Variants in CTIF observed in about 807,000 individuals in gnomAD.
CTIF encodes the protein CBP80/20-dependent translation initiation factor.
In CTIF, 21 loss-of-function variants were observed where a neutral mutation model predicts 66.0. The observed-to-expected ratio is 0.32, with a 90% CI of 0.23 to 0.46. The LOEUF (loss-of-function observed/expected upper bound fraction) is 0.46. Among genes scored for constraint, CTIF ranks in the 20% least tolerant of loss-of-function variants. CTIF has a pLI of 1.00. For missense variants in CTIF, 739 were observed against 812.7 expected, an observed-to-expected ratio of 0.91 and a Z score of 1.10; for synonymous variants, 345 against 326.4, an observed-to-expected ratio of 1.06 and a Z score of -0.62.
intron 7 of CTIF, among the ~76,000 whole-genome samples, chr18:48,729,947 C>A (rs2092422813): frequency 6.6e-6 from 1 of 152,234 alleles, no homozygotes; most frequent in Non-Finnish European, 1.5e-5. Flanking sequence ...CCCTTCCCTG[C>A]ATTTTGAGGC....
At chr18:48,629,443 T>A (rs1333079475) in intron 2 of CTIF, among the ~76,000 whole-genome samples, 3 of 152,284 alleles carry the variant, frequency 2.0e-5, no homozygotes, top group Non-Finnish European at 4.4e-5. Context: ...TTTATACATA[T>A]AATTGTATGT....
chr18:48,791,472 G>A (rs1225414360), intron 9 of CTIF, among the ~76,000 whole-genome samples: 1 of 152,210 alleles, frequency 6.6e-6, no homozygotes, highest in Non-Finnish European at 1.5e-5. Flanking sequence ...GAGTGGCCCA[G>A]GGTTGGGCAG....
intron 7 of CTIF, among the ~76,000 whole-genome samples, chr18:48,729,569 C>G (rs1364666989): frequency 1.3e-5 from 2 of 152,198 alleles, no homozygotes; most frequent in African/African-American, 4.8e-5. Context: ...CAGCGAGACT[C>G]AGAAAGGTGA....
chr18:48,645,324 C>T (rs187904132), intron 3 of CTIF, among the ~76,000 whole-genome samples: 3 of 139,376 alleles, frequency 2.2e-5, no homozygotes, highest in Admixed American at 1.5e-4. Context: ...CTACAGGAAA[C>T]GGACTAAGAA....
At chr18:48,591,107 C>T (rs2089878140) in intron 1 of CTIF, among the ~76,000 whole-genome samples, 1 of 152,238 alleles carries the variant, frequency 6.6e-6, no homozygotes, top group Admixed American at 6.5e-5. Flanking sequence ...CCTAGCACGT[C>T]TCAGCTCCTG....
intron 10 of CTIF, among the ~76,000 whole-genome samples, chr18:48,836,544 C>T (rs1470762646): frequency 6.6e-6 from 1 of 152,214 alleles, no homozygotes; most frequent in African/African-American, 2.4e-5. Context: ...AGATCCCCAA[C>T]CAACCCCATC....
intron 4 of CTIF, 79 bp downstream of exon 4, chr18:48,663,904 T>G: frequency 8.0e-7 from 1 of 1,248,550 alleles, no homozygotes; most frequent in Non-Finnish European, 1.2e-6. Flanking sequence ...GAATGAACGC[T>G]GATGGTTCAT....
At chr18:48,790,574 C>T (rs999575539) in intron 9 of CTIF, among the ~76,000 whole-genome samples, 1 of 152,212 alleles carries the variant, frequency 6.6e-6, no homozygotes. Flanking sequence ...GGAGACATTT[C>T]CTGAAAGACT....
chr18:48,590,263 G>T (rs2089860837), intron 1 of CTIF, among the ~76,000 whole-genome samples: 1 of 152,194 alleles, frequency 6.6e-6, no homozygotes, highest in South Asian at 2.1e-4. Context: ...TGCCAGAAAG[G>T]GCAGAACACT....
At chr18:48,736,148 G>A (rs1159989188) in intron 7 of CTIF, among the ~76,000 whole-genome samples, 2 of 152,218 alleles carry the variant, frequency 1.3e-5, no homozygotes, top group East Asian at 3.8e-4. Context: ...GATACACTGA[G>A]TCAAGACCTG....
At chr18:48,777,252 A>AG (rs1318972995) in intron 9 of CTIF, among the ~76,000 whole-genome samples, 1 of 152,198 alleles carries the variant, frequency 6.6e-6, no homozygotes, top group Non-Finnish European at 1.5e-5. Context: ...GGCGGCCTGC[A>AG]GGGGGCACCA....
intron 3 of CTIF, among the ~76,000 whole-genome samples, chr18:48,658,175 T>C (rs1181700083): frequency 1.3e-5 from 2 of 152,064 alleles, no homozygotes; most frequent in Non-Finnish European, 2.9e-5. Flanking sequence ...TGTGTGTATG[T>C]GTGAGGTGTA....
At chr18:48,547,049 C>T (rs2088768934) in intron 1 of CTIF, among the ~76,000 whole-genome samples, 1 of 152,144 alleles carries the variant, frequency 6.6e-6, no homozygotes, top group East Asian at 1.9e-4. Context: ...CCTTTGCTGA[C>T]TTAAATCTCC....
At chr18:48,543,928 T>A (rs1185535426) in intron 1 of CTIF, among the ~76,000 whole-genome samples, 1 of 152,210 alleles carries the variant, frequency 6.6e-6, no homozygotes, top group Non-Finnish European at 1.5e-5. Context: ...TCTTCATCTT[T>A]GGCATTCATG....
intron 1 of CTIF, among the ~76,000 whole-genome samples, chr18:48,571,846 G>C (rs1268831168): frequency 6.6e-6 from 1 of 152,158 alleles, no homozygotes; most frequent in Non-Finnish European, 1.5e-5. Flanking sequence ...ATGAGAGAGA[G>C]AGAGAAAGAG....
At chr18:48,714,401 G>A (rs1054900463) in intron 7 of CTIF, among the ~76,000 whole-genome samples, 11 of 152,216 alleles carry the variant, frequency 7.2e-5, no homozygotes, top group African/African-American at 2.7e-4. Flanking sequence ...ATGAAGGGAA[G>A]GGGCCAGCTG....
rs896538730 is a variant in CTIF at position 48,830,460 on chromosome 18, C to T, written c.1527+13084C>T. ...ATTACAGGCTACAGGCGTGAACCACCGCGCCCGGCCAGATTTGTTGATTAT... is the reference window on the plus strand; with the variant it reads ...ATTACAGGCTACAGGCGTGAACCACTGCGCCCGGCCAGATTTGTTGATTAT... On this transcript the variant is annotated intron_variant, in intron 10 of 11. Coordinates refer to ENST00000256413, the MANE Select transcript of CTIF (RefSeq NM_014772.3). Among the ~76,000 whole-genome samples, 8 of 152,250 alleles carry T rather than the reference C, an allele frequency of 5.3e-5. 1 individual carries two copies. Among genetic ancestry groups the T allele is most frequent in the Admixed American group, 4.6e-4 (7 of 15,300 alleles).
intron 9 of CTIF, among the ~76,000 whole-genome samples, chr18:48,810,407 C>T (rs2068235887): frequency 6.6e-6 from 1 of 152,070 alleles, no homozygotes; most frequent in Non-Finnish European, 1.5e-5. Context: ...TAATCTAATA[C>T]AGGTATTGTA....
rs140477553 is a variant in CTIF, at chr18:48,557,407, T to A, written c.-29+18095T>A. The stretch of plus-strand genomic sequence containing the variant: ...GGAACCTTCCCTGGAGTTTTCTGAA[T>A]GGAAGCTGGGAGAGAAAGTCCTTTT... On this transcript the variant is annotated intron_variant, in intron 1 of 11. Transcript: ENST00000256413. 2.9e-3 allele frequency among the ~76,000 whole-genome samples: 445 copies of A among 152,292 alleles called. 4 individuals carry two copies. The highest frequency in any genetic ancestry group is 0.01 in the African/African-American group (418 of 41,556).
Sources: gnomAD v4.1 joint callset for allele counts (sites outside exome capture counted in the v4.1 genomes callset) on GRCh38, gnomAD v4.1.1 for gene constraint, MANE v1.5 for transcripts, NCBI Gene and HGNC (gene_info 2026-07-23, HGNC 2026-07-21) for gene names.